Variants in METTL16 observed in about 807,000 individuals in gnomAD.
METTL16 encodes RNA N(6)-adenosine-methyltransferase METTL16.
In METTL16, 19 loss-of-function variants were observed where a neutral mutation model predicts 57.9. The ratio of observed to expected loss-of-function variants is 0.33; its 90% CI spans 0.23 to 0.48. The LOEUF (loss-of-function observed/expected upper bound fraction) is 0.48. Ranked by LOEUF, METTL16 falls within the 20% of genes least tolerant of loss-of-function variation. The pLI is 0.99. For synonymous variants in METTL16, 246 were observed against 255.6 expected (o/e 0.96, Z 0.36); for missense variants, 434 against 691.5 (o/e 0.63, Z 4.18).
At chr17:2,435,933 TAACACAGAA>T (rs2066905767) in intron 8 of METTL16, among the ~76,000 whole-genome samples, 1 of 152,068 alleles carries the variant, frequency 6.6e-6, no homozygotes, top group East Asian at 1.9e-4. Context: ...CTGGTTTTGT[TAACACAGAA>T]GCAGTGCCCT....
At position 2,493,368 on chromosome 17, in the gene METTL16, C is replaced by G. The variant is rs1567904991; in HGVS notation, c.128+8836G>C. On this transcript the variant is annotated intron_variant, in intron 2 of 9. Transcript: ENST00000263092. ...CCTCCCAAAGTGCTGGAATTACAGG[C>G]AGCCACCACACCCAGCCCAGTAATT... Among the ~76,000 whole-genome samples the G allele has an allele frequency of 4.0e-5, 6 of 150,834 alleles. No homozygotes were observed. In the East Asian group the frequency reaches 1.2e-3, roughly 30 times the overall value.
intron 5 of METTL16, among the ~76,000 whole-genome samples, chr17:2,466,022 G>A (rs553731151): frequency 9.9e-5 from 15 of 151,674 alleles, no homozygotes; most frequent in Non-Finnish European, 1.9e-4. Flanking sequence ...GCGAAACCCC[G>A]TCTCTACTAA....
In METTL16 at chr17:2,511,815, A is replaced by G; in HGVS notation, c.-57T>C. 5.0e-6 allele frequency: 2 copies of G among 398,648 alleles called. No homozygotes were observed. The allele number at this position is 398,648 out of a possible 1,614,324, so 24.7% of individuals were successfully genotyped here. The stretch of plus-strand genomic sequence containing the variant: ...GTCTGGCGTGGGCCTGTACAACCCT[A>G]GAATCTTAAAGCAGCCGCATAGCGA... On this transcript the variant is annotated 5_prime_UTR_variant, in exon 1 of 10. Transcript: ENST00000263092.
At chr17:2,478,577 C>T (rs970184394) in intron 2 of METTL16, among the ~76,000 whole-genome samples, 1 of 152,132 alleles carries the variant, frequency 6.6e-6, no homozygotes, top group Non-Finnish European at 1.5e-5. Flanking sequence ...GCAACCATCA[C>T]CAAAACCCAC....
At chr17:2,464,672 A>T (rs1278759768) in intron 5 of METTL16, among the ~76,000 whole-genome samples, 1 of 152,144 alleles carries the variant, frequency 6.6e-6, no homozygotes, top group Non-Finnish European at 1.5e-5. Context: ...GATTAAACAA[A>T]TATTTACTTG....
Position 2,438,164 on chromosome 17 carries a change from C to T in METTL16, c.833G>A (p.Gly278Asp). Residue 278 changes from glycine (G) to aspartate (D), a missense_variant, in exon 8 of 10, where the codon GGT (glycine) becomes GAT (aspartate). Physicochemically the swap from Gly to Asp is moderately conservative, Grantham distance 94. Around this residue, in one of 5 missense-constraint regions of METTL16, gnomAD observed 96 missense variants for 138.3 expected, o/e 0.69. Coordinates refer to ENST00000263092, the MANE Select transcript of METTL16 (RefSeq NM_024086.4). ...PKVTYTEFCQGRTMRWALAWS... is the reference protein window; with the variant it reads ...PKVTYTEFCQDRTMRWALAWS... ...AGCTAAGGCCCATCTCATTGTCCGA[C>T]CTTGACAGAATTCAGTGTACGTTAC... is the stretch of plus-strand genomic sequence containing the variant. 6.2e-7 allele frequency: 1 copy of T among 1,613,920 alleles called. No individual in the cohort carries two copies. Among genetic ancestry groups the T allele is most frequent in the Non-Finnish European group, 8.5e-7 (1 of 1,179,826 alleles).
intron 2 of METTL16, among the ~76,000 whole-genome samples, chr17:2,489,111 C>CTT (rs11404983): frequency 1.6e-4 from 24 of 146,384 alleles, no homozygotes; most frequent in East Asian, 7.9e-4. Context: ...ACTTTTCATT[C>CTT]TTTTTTTTTT....
At chr17:2,510,899 G>C (rs1405050929) in intron 1 of METTL16, among the ~76,000 whole-genome samples, 20 of 152,040 alleles carry the variant, frequency 1.3e-4, no homozygotes, top group Admixed American at 1.3e-3. Flanking sequence ...TTTCTACACA[G>C]AATTTACCCA....
Position 2,417,953 on chromosome 17 carries a change from A to C in METTL16, c.*2017T>G, listed in dbSNP as rs986439280. On this transcript the variant is annotated 3_prime_UTR_variant, in exon 10 of 10. Transcript: ENST00000263092. ...TAGGTTTGGGCCCAGCAAATGACTC[A>C]AATGTAATATTCACTCGAGGTAAGG... 6.6e-6 allele frequency: 1 copy of C among 152,212 alleles called. No individual in the cohort carries two copies. The highest frequency in any genetic ancestry group is 2.4e-5 in the African/African-American group (1 of 41,456). The allele number at this position is 152,212 out of a possible 1,614,324, so 9.4% of individuals were successfully genotyped here. A position where few individuals can be genotyped will look rare whatever the true frequency, so the allele number is the denominator to read the frequency against.
chr17:2,501,455 A>C (rs1291233181), intron 2 of METTL16, among the ~76,000 whole-genome samples: 4 of 152,170 alleles, frequency 2.6e-5, no homozygotes, highest in African/African-American at 4.8e-5. Context: ...AAATAAAAAT[A>C]AATCAACTTC....
intron 1 of METTL16, among the ~76,000 whole-genome samples, chr17:2,510,485 C>T (rs1020404910): frequency 2.6e-5 from 4 of 152,162 alleles, no homozygotes; most frequent in African/African-American, 9.7e-5. Context: ...ATATGTGAAA[C>T]AAATTAAATT....
chr17:2,444,570 T>G (rs2066980285), intron 6 of METTL16, among the ~76,000 whole-genome samples: 1 of 152,172 alleles, frequency 6.6e-6, no homozygotes. Flanking sequence ...GTAGCTTAAG[T>G]GTACGGTGTT....
intron 2 of METTL16, among the ~76,000 whole-genome samples, chr17:2,484,970 G>T (rs184923739): frequency 6.6e-6 from 1 of 152,140 alleles, no homozygotes; most frequent in South Asian, 2.1e-4. Flanking sequence ...AGGCTAATGG[G>T]CCGCACCCTC....
At chr17:2,442,811 A>C (rs1358531338) in intron 6 of METTL16, among the ~76,000 whole-genome samples, 1 of 151,886 alleles carries the variant, frequency 6.6e-6, no homozygotes, top group East Asian at 1.9e-4. Context: ...ATTACTCAGG[A>C]AGAAATAGAT....
intron 2 of METTL16, among the ~76,000 whole-genome samples, chr17:2,496,004 G>T (rs982732866): frequency 6.6e-6 from 1 of 151,494 alleles, no homozygotes; most frequent in Non-Finnish European, 1.5e-5. Flanking sequence ...CAGCTACTCA[G>T]GAGGCTGAGG....
At chr17:2,475,167 G>A (rs993134134) in intron 3 of METTL16, 1 of 152,140 alleles carries the variant, frequency 6.6e-6, no homozygotes, top group African/African-American at 2.4e-5. Flanking sequence ...TACGCATCCT[G>A]AACAGGCTAG....
chr17:2,484,293 C>T (rs934150229), intron 2 of METTL16, among the ~76,000 whole-genome samples: 7 of 152,092 alleles, frequency 4.6e-5, no homozygotes, highest in African/African-American at 1.7e-4. Flanking sequence ...AGATAAAGAG[C>T]TTGTGCCAGA....
At chr17:2,429,063 G>A (rs567671317) in intron 8 of METTL16, among the ~76,000 whole-genome samples, 1 of 151,862 alleles carries the variant, frequency 6.6e-6, no homozygotes, top group African/African-American at 2.4e-5. Flanking sequence ...TCTCCATGTT[G>A]GTTGGGCTGG....
chr17:2,503,429 C>G (rs576442429), intron 1 of METTL16, among the ~76,000 whole-genome samples: 2 of 147,854 alleles, frequency 1.4e-5, no homozygotes, highest in East Asian at 2.0e-4. Context: ...TATCCATACA[C>G]TAAATATGGG....
Sources: gnomAD v4.1 joint callset for allele counts (sites outside exome capture counted in the v4.1 genomes callset) on GRCh38, gnomAD v4.1.1 for gene constraint, gnomAD v4.1.1 regional missense constraint, MANE v1.5 for transcripts, NCBI Gene and HGNC (gene_info 2026-07-23, HGNC 2026-07-21) for gene names.